ANKS1B: variants seen among roughly 807,000 people sequenced by gnomAD.
The protein encoded by ANKS1B is ankyrin repeat and sterile alpha motif domain-containing protein 1B.
Under a neutral mutation model 148.3 loss-of-function variants are expected in ANKS1B, and 36 were observed. The ratio of observed to expected loss-of-function variants is 0.24; its 90% CI spans 0.19 to 0.32. The LOEUF (loss-of-function observed/expected upper bound fraction) is 0.32, where lower values mean the gene tolerates loss of function less well. Ranked by LOEUF, ANKS1B falls within the 10% of genes least tolerant of loss-of-function variation. ANKS1B has a pLI of 1.00. For synonymous variants in ANKS1B, 542 were observed against 560.8 expected, an observed-to-expected ratio of 0.97 and a Z score of 0.47; for missense variants, 1,157 against 1,542.6, an observed-to-expected ratio of 0.75 and a Z score of 4.19.
At chr12:99,818,087 AG>A (rs1239798087) in intron 2 of ANKS1B, among the ~76,000 whole-genome samples, 3 of 151,864 alleles carry the variant, frequency 2.0e-5, no homozygotes, top group African/African-American at 4.8e-5. Context: ...TGAAACTAGT[AG>A]GGGAAAACAC....
chr12:99,572,517 T>C (rs1440311134), intron 9 of ANKS1B, among the ~76,000 whole-genome samples: 4 of 152,088 alleles, frequency 2.6e-5, no homozygotes, highest in Non-Finnish European at 5.9e-5. Context: ...ATCTAATGTA[T>C]AATTAAGTTA....
At chr12:98,767,440 C>T (rs1190135620) in intron 25 of ANKS1B, among the ~76,000 whole-genome samples, 1 of 152,154 alleles carries the variant, frequency 6.6e-6, no homozygotes, top group Non-Finnish European at 1.5e-5. Flanking sequence ...CCCTGCACCA[C>T]GTCTTCAACA....
At chr12:99,473,494 T>C (rs1344113995) in intron 10 of ANKS1B, among the ~76,000 whole-genome samples, 2 of 152,042 alleles carry the variant, frequency 1.3e-5, no homozygotes, top group East Asian at 3.8e-4. Flanking sequence ...AGTATGTGCA[T>C]TTCAAACTTT....
chr12:98,832,704 C>G (rs2099328746), intron 17 of ANKS1B, among the ~76,000 whole-genome samples: 1 of 152,070 alleles, frequency 6.6e-6, no homozygotes, highest in Non-Finnish European at 1.5e-5. Context: ...GAAAGGTCCT[C>G]CCCCGCCTCC....
rs750291571 is a variant in ANKS1B, at chr12:99,246,519, T to G, written c.2102A>C (p.Gln701Pro). 1 of 1,613,828 alleles carries G rather than the reference T, an allele frequency of 6.2e-7. No individual in the cohort carries two copies. Among genetic ancestry groups the G allele is most frequent in the Non-Finnish European group, 8.5e-7 (1 of 1,179,860 alleles). ...AAATCCCCCTGCGTTCATAACCCACTGGTCCCCATTCCGAGATCCACTCCT... is the reference window on the plus strand; with the variant it reads ...AAATCCCCCTGCGTTCATAACCCACGGGTCCCCATTCCGAGATCCACTCCT... ...STRSGSRNGD[Q>P]WVMNAGGFVE... Residue 701 changes from glutamine to proline, a missense_variant, in exon 13 of 27, where the codon CAG becomes CCG. Physicochemically the swap from Gln to Pro is moderately conservative, Grantham distance 76 (BLOSUM62 -1). Coordinates refer to ENST00000683438, the MANE Select transcript of ANKS1B (RefSeq NM_001352186.2).
intron 22 of ANKS1B, among the ~76,000 whole-genome samples, chr12:98,796,275 A>G (rs2098948549): frequency 6.6e-6 from 1 of 152,218 alleles, no homozygotes; most frequent in South Asian, 2.1e-4. Flanking sequence ...GCATACTTTG[A>G]ACAGAAAACA....
chr12:99,475,194 G>A (rs1411753724), intron 10 of ANKS1B, among the ~76,000 whole-genome samples: 36 of 147,690 alleles, frequency 2.4e-4, no homozygotes, highest in Admixed American at 2.1e-3. Context: ...GCAGTGAGCC[G>A]AGATCACACC....
At chr12:99,331,916 G>A (rs930227557) in intron 12 of ANKS1B, among the ~76,000 whole-genome samples, 1 of 151,962 alleles carries the variant, frequency 6.6e-6, no homozygotes, top group African/African-American at 2.4e-5. Context: ...GACTCTGGGA[G>A]CTGCGATTAT....
At chr12:99,341,128 G>C (rs1330900471) in intron 12 of ANKS1B, 1 of 152,100 alleles carries the variant, frequency 6.6e-6, no homozygotes, top group Non-Finnish European at 1.5e-5. Flanking sequence ...ACCTTGATTT[G>C]TCACAGTCTT....
At chr12:99,791,989 A>G (rs1602240812) in intron 4 of ANKS1B, among the ~76,000 whole-genome samples, 1 of 151,910 alleles carries the variant, frequency 6.6e-6, no homozygotes, top group Admixed American at 6.6e-5. Context: ...GAAAAACACA[A>G]TTGACAAACC....
At chr12:99,812,892 A>G (rs750029187) in intron 2 of ANKS1B, among the ~76,000 whole-genome samples, 1 of 151,736 alleles carries the variant, frequency 6.6e-6, no homozygotes, top group Non-Finnish European at 1.5e-5. Context: ...GGGGTATGTA[A>G]AAGAGAAAGA....
chr12:99,817,110 C>T lies in ANKS1B; in HGVS notation c.216-4799G>A, dbSNP rs11110059. 1.2e-3 allele frequency among the ~76,000 whole-genome samples: 181 copies of T among 151,506 alleles called. 1 individual carries two copies. Among genetic ancestry groups the T allele is most frequent in the African/African-American group, 4.1e-3 (171 of 41,416 alleles). ...AGTCAGTCTACTGTACTATCAAACA[C>T]TAGATCTTATTCCTTCTAACTGTAT... On this transcript the variant is annotated intron_variant, in intron 2 of 26. Coordinates refer to ENST00000683438, the MANE Select transcript of ANKS1B (RefSeq NM_001352186.2).
intron 9 of ANKS1B, among the ~76,000 whole-genome samples, chr12:99,575,453 C>T (rs973758323): frequency 6.6e-6 from 1 of 152,042 alleles, no homozygotes; most frequent in Admixed American, 6.6e-5. Context: ...CTAATAAAGA[C>T]ATACCCAAGA....
At chr12:99,919,058 C>A (rs2094264828) in intron 1 of ANKS1B, among the ~76,000 whole-genome samples, 1 of 152,162 alleles carries the variant, frequency 6.6e-6, no homozygotes, top group South Asian at 2.1e-4. Context: ...ACTAGCTAAT[C>A]CTTATCATTT....
At chr12:99,978,834 G>C (rs762021026) in intron 1 of ANKS1B, among the ~76,000 whole-genome samples, 21 of 152,040 alleles carry the variant, frequency 1.4e-4, no homozygotes, top group Non-Finnish European at 3.1e-4. Context: ...TTCACATGGG[G>C]ATCTTAAGAA....
intron 9 of ANKS1B, among the ~76,000 whole-genome samples, chr12:99,573,907 A>ATT (rs199944322): frequency 6.6e-6 from 1 of 151,002 alleles, no homozygotes; most frequent in Admixed American, 6.6e-5. Flanking sequence ...CAAAAAAAAA[A>ATT]TTTTTTTTAA....
intron 1 of ANKS1B, among the ~76,000 whole-genome samples, chr12:99,965,530 A>C (rs192246276): frequency 4.5e-4 from 68 of 152,348 alleles, no homozygotes; most frequent in African/African-American, 1.5e-3. Flanking sequence ...GCAAGTGATT[A>C]AAATGAACAT....
At chr12:99,719,399 T>C (rs2057819783) in intron 8 of ANKS1B, among the ~76,000 whole-genome samples, 1 of 152,160 alleles carries the variant, frequency 6.6e-6, no homozygotes, top group Non-Finnish European at 1.5e-5. Context: ...CCCATGACTG[T>C]ATCTCTCTGA....
At chr12:99,084,808 C>A in intron 16 of ANKS1B, 117 bp downstream of exon 16, 1 of 724,860 alleles carries the variant, frequency 1.4e-6, no homozygotes, top group Non-Finnish European at 2.3e-6. Context: ...AAGATCTGCT[C>A]TTGAGGTTGC....
Sources: allele counts gnomAD v4.1 joint callset (sites outside exome capture counted in the v4.1 genomes callset), GRCh38; gene constraint gnomAD v4.1.1; transcripts MANE v1.5; gene names NCBI Gene and HGNC (gene_info 2026-07-23, HGNC 2026-07-21).